KAT6A: variants seen among roughly 807,000 people sequenced by gnomAD.
KAT6A encodes lysine acetyltransferase 6A.
KAT6A carries 9 observed loss-of-function variants against 198.4 expected under a neutral mutation model. The ratio of observed to expected loss-of-function variants is 0.05; its 90% confidence interval spans 0.03 to 0.08. The LOEUF (loss-of-function observed/expected upper bound fraction) is 0.08. Among genes scored for constraint, KAT6A ranks in the 10% least tolerant of loss-of-function variants. The pLI is 1.00. For synonymous variants in KAT6A, 890 were observed against 883.0 expected, an observed-to-expected ratio of 1.01 and a Z score of -0.14; for missense variants, 2,077 against 2,509.9, an observed-to-expected ratio of 0.83 and a Z score of 3.69.
Position 42,027,233 on chromosome 8 carries a change from AGTTTTCTTTT to A in KAT6A, c.600+21135_600+21144del, listed in dbSNP as rs1826864807. On this transcript the variant is annotated intron_variant, in intron 2 of 16. Coordinates refer to ENST00000265713, the MANE Select transcript of KAT6A (RefSeq NM_006766.5). ...ATGTTCATCAGGACTATTGGCCTGT[AGTTTTCTTTT>A]GTTGTTGTTGTTGTATTCTTATCTG... is the stretch of plus-strand genomic sequence containing the variant. Among the ~76,000 whole-genome samples, 5 of 152,132 alleles carry A rather than the reference AGTTTTCTTTT, an allele frequency of 3.3e-5. No individual in the cohort carries two copies. The South Asian group carries it at 1.0e-3, about 32-fold the overall frequency.
chr8:42,033,920 T>C (rs1827252872), intron 2 of KAT6A, among the ~76,000 whole-genome samples: 1 of 152,104 alleles, frequency 6.6e-6, no homozygotes, highest in Non-Finnish European at 1.5e-5. Context: ...AATTCACTAA[T>C]AGGAGACAGG....
intron 3 of KAT6A, among the ~76,000 whole-genome samples, chr8:41,985,545 C>T (rs977945003): frequency 5.3e-5 from 8 of 152,306 alleles, no homozygotes; most frequent in Admixed American, 3.9e-4. Flanking sequence ...GCTTCTCCCT[C>T]GTAGGTATCT....
At chr8:41,974,094 G>A (rs778958860) in intron 8 of KAT6A, among the ~76,000 whole-genome samples, 12 of 136,760 alleles carry the variant, frequency 8.8e-5, no homozygotes, top group Non-Finnish European at 7.9e-5. Context: ...TTTTTTTTTT[G>A]GAAGACAGGG....
intron 2 of KAT6A, among the ~76,000 whole-genome samples, chr8:42,014,329 A>C (rs1285896084): frequency 6.6e-6 from 1 of 152,226 alleles, no homozygotes; most frequent in African/African-American, 2.4e-5. Context: ...GTACAAAGCA[A>C]AAGAATTTCT....
Position 42,042,181 on chromosome 8 carries a change from G to A in KAT6A, c.600+6197C>T, listed in dbSNP as rs115858429. Reference sequence around the variant, plus strand: ...GTAACTTAAAAACATATCCCTGGCCGGGCACGGTGGCTCACGCCTATAATC... The same window carrying A: ...GTAACTTAAAAACATATCCCTGGCCAGGCACGGTGGCTCACGCCTATAATC... On this transcript the variant is annotated intron_variant, in intron 2 of 16. Coordinates refer to ENST00000265713, the MANE Select transcript of KAT6A (RefSeq NM_006766.5). Among the ~76,000 whole-genome samples, 562 of 152,188 alleles carry A rather than the reference G, an allele frequency of 3.7e-3. 7 individuals are homozygous for A. Among genetic ancestry groups the A allele is most frequent in the African/African-American group, 0.013 (548 of 41,518 alleles).
intron 2 of KAT6A, among the ~76,000 whole-genome samples, chr8:42,046,607 T>G (rs1802316271): frequency 6.6e-6 from 1 of 152,222 alleles, no homozygotes; most frequent in Admixed American, 6.5e-5. Flanking sequence ...GGCACTGAAC[T>G]GATCTAACTA....
intron 2 of KAT6A, among the ~76,000 whole-genome samples, chr8:42,017,393 G>A (rs1826326179): frequency 6.6e-6 from 1 of 152,164 alleles, no homozygotes; most frequent in South Asian, 2.1e-4. Flanking sequence ...CATAATACAG[G>A]GAGAAAAACG....
In KAT6A at chr8:41,933,531, A is replaced by G; in HGVS notation, c.4689T>C (p.Tyr1563=). 6.2e-7 allele frequency: 1 copy of G among 1,614,078 alleles called. No individual in the cohort carries two copies. The highest frequency in any genetic ancestry group is 8.5e-7 in the Non-Finnish European group (1 of 1,180,016). ...LGSIESTTEN[Y]ENPSSYDSTM... is the part of the protein sequence containing the mutation. ...TGGAGTCGTAACTGCTTGGGTTCTC[A>G]TAGTTTTCAGTGGTGCTCTCAATGC... Residue 1563 remains tyrosine, a synonymous_variant, in exon 17 of 17, where the codon TAT becomes TAC. Coordinates refer to ENST00000265713, the MANE Select transcript of KAT6A (RefSeq NM_006766.5). This position sits in a 1 kb window ranked among gnomAD's most constrained non-coding sequence, Gnocchi z 6.2.
At position 41,931,275 on chromosome 8, in the gene KAT6A, GTGTGCGT is replaced by G. The variant is rs1821528545; in HGVS notation, c.*923_*929del. The G allele has an allele frequency of 4.5e-6, 1 of 220,344 alleles. No individual in the cohort carries two copies. Among genetic ancestry groups the G allele is most frequent in the African/African-American group, 2.2e-5 (1 of 44,536 alleles). The allele number at this position is 220,344 out of a possible 1,614,324, so 13.6% of individuals were successfully genotyped here. A position where few individuals can be genotyped will look rare whatever the true frequency, so the allele number is the denominator to read the frequency against. On this transcript the variant is annotated 3_prime_UTR_variant, in exon 17 of 17. Transcript: ENST00000265713. ...AGAAACAAGAGGCTGGGTGGCGTGT[GTGTGCGT>G]TATGGCTGATTCACCAGGTGGTAAA... is the stretch of plus-strand genomic sequence containing the variant.
chr8:41,961,683 G>A lies in KAT6A; in HGVS notation c.1483-6272C>T, dbSNP rs997349527. Among the ~76,000 whole-genome samples, 5 of 150,546 alleles carry A rather than the reference G, an allele frequency of 3.3e-5. No homozygotes were observed. In the South Asian group the frequency reaches 6.3e-4, roughly 19 times the overall value. On this transcript the variant is annotated intron_variant, in intron 8 of 16. Transcript: ENST00000265713. Reference sequence around the variant, plus strand: ...CAGGAGAATCCCTTGAACCCGGGACGTGGCGGTTGCAATGAGCCGAGATGG... The same window carrying A: ...CAGGAGAATCCCTTGAACCCGGGACATGGCGGTTGCAATGAGCCGAGATGG...
chr8:42,003,418 C>T (rs1258032869), intron 2 of KAT6A, among the ~76,000 whole-genome samples: 1 of 151,752 alleles, frequency 6.6e-6, no homozygotes, highest in Non-Finnish European at 1.5e-5. Context: ...TGGAGCCCCT[C>T]CTCCAAGCTT....
intron 1 of KAT6A, among the ~76,000 whole-genome samples, chr8:42,050,419 A>G (rs1163022113): frequency 1.3e-5 from 2 of 152,232 alleles, no homozygotes; most frequent in Admixed American, 1.3e-4. Flanking sequence ...TCTGGAGATC[A>G]TTTGCATTAC....
At chr8:41,935,381 G>A (rs1821796522) in intron 16 of KAT6A, among the ~76,000 whole-genome samples, 1 of 151,812 alleles carries the variant, frequency 6.6e-6, no homozygotes, top group South Asian at 2.1e-4. Flanking sequence ...ATTACTCTAG[G>A]CCATGACTGA....
At chr8:42,051,476 G>A (rs994619051) in intron 1 of KAT6A, among the ~76,000 whole-genome samples, 2 of 147,472 alleles carry the variant, frequency 1.4e-5, no homozygotes, top group African/African-American at 4.9e-5. Context: ...CAGCCGGCAC[G>A]CGCGCGGCGG....
chr8:41,992,057 C>T (rs942808711), intron 2 of KAT6A, among the ~76,000 whole-genome samples: 4 of 151,880 alleles, frequency 2.6e-5, no homozygotes, highest in Non-Finnish European at 4.4e-5. Flanking sequence ...AAAAATTATC[C>T]GGGTACGGTG....
chr8:42,028,745 T>A (rs959605066), intron 2 of KAT6A, among the ~76,000 whole-genome samples: 20 of 152,226 alleles, frequency 1.3e-4, no homozygotes, highest in Admixed American at 3.3e-4. Flanking sequence ...GCTGAAGACT[T>A]ATCCTGTATT....
intron 2 of KAT6A, among the ~76,000 whole-genome samples, chr8:42,037,279 T>C (rs955560372): frequency 2.6e-5 from 4 of 152,128 alleles, no homozygotes; most frequent in Admixed American, 6.6e-5. Flanking sequence ...CTGAGTGGCA[T>C]GGAAAAAAGT....
At position 41,937,471 on chromosome 8, in the gene KAT6A, T is replaced by C; in HGVS notation, c.3137A>G (p.Asp1046Gly). ...GGAGTCAGAATCTTCAAAAGGTTCA[T>C]CTAACACTTCAGTGGTCTCAGAAAT... is the stretch of plus-strand genomic sequence containing the variant. ...ETISETTEVL[D>G]EPFEDSDSER... Residue 1046 changes from aspartate (D) to glycine (G), a missense_variant, in exon 16 of 17, where the codon GAT (aspartate) becomes GGT (glycine). By Grantham distance (94) the Asp-to-Gly change is moderately conservative. Transcript: ENST00000265713. 6.2e-7 allele frequency: 1 copy of C among 1,614,212 alleles called. No homozygotes were observed. Among genetic ancestry groups the C allele is most frequent in the South Asian group, 1.1e-5 (1 of 91,080 alleles).
At chr8:42,012,752 A>T (rs1587824030) in intron 2 of KAT6A, among the ~76,000 whole-genome samples, 2 of 152,158 alleles carry the variant, frequency 1.3e-5, no homozygotes, top group South Asian at 4.1e-4. Context: ...TCACACAAAA[A>T]CCTATATATG....
Sources: gnomAD v4.1 joint callset for allele counts (sites outside exome capture counted in the v4.1 genomes callset) on GRCh38, gnomAD v4.1.1 for gene constraint, Gnocchi (gnomAD v3.1) non-coding constraint, MANE v1.5 for transcripts, NCBI Gene and HGNC (gene_info 2026-07-23, HGNC 2026-07-21) for gene names.